The following SIPA1L1 variants were observed in gnomAD, a reference collection of about 807,000 sequenced individuals.
SIPA1L1 encodes the protein signal-induced proliferation-associated 1-like protein 1.
A neutral mutation model predicts 162.7 loss-of-function variants in SIPA1L1; 26 were observed. The observed-to-expected ratio is 0.16, with a 90% confidence interval of 0.12 to 0.22. The LOEUF (loss-of-function observed/expected upper bound fraction) is 0.22, where lower values mean the gene tolerates loss of function less well. SIPA1L1 is among the 10% of genes least tolerant of loss of function. The probability of loss-of-function intolerance (pLI) is 1.00; values close to 1 mark genes in which losing one functional copy is unlikely to be tolerated. For synonymous variants in SIPA1L1, 829 were observed against 837.4 expected (o/e 0.99, Z 0.17); for missense variants, 1,874 against 2,241.0 (o/e 0.84, Z 3.31).
chr14:71,557,195 G>A (rs1271158406), intron 4 of SIPA1L1, among the ~76,000 whole-genome samples: 1 of 152,102 alleles, frequency 6.6e-6, no homozygotes, highest in Non-Finnish European at 1.5e-5. Flanking sequence ...AGTGTATTCA[G>A]TCTGCGTTGT....
At chr14:71,345,634 C>T (rs1016803675) in intron 2 of SIPA1L1, among the ~76,000 whole-genome samples, 23 of 147,564 alleles carry the variant, frequency 1.6e-4, no homozygotes, top group African/African-American at 4.8e-4. Flanking sequence ...AGTGCAGTGG[C>T]GCGATCTTGG....
chr14:71,679,627 G>C (rs574269380), intron 12 of SIPA1L1, among the ~76,000 whole-genome samples: 1 of 152,300 alleles, frequency 6.6e-6, no homozygotes, highest in East Asian at 1.9e-4. Context: ...CCAATTAAAA[G>C]ACACAGACTG....
At chr14:71,330,817 A>T in intron 2 of SIPA1L1, 1 of 647,166 alleles carries the variant, frequency 1.5e-6, no homozygotes, top group South Asian at 1.8e-5. Flanking sequence ...CATATTCTAG[A>T]TATTAACACC....
At chr14:71,346,422 A>G (rs1421374406) in intron 2 of SIPA1L1, among the ~76,000 whole-genome samples, 1 of 152,214 alleles carries the variant, frequency 6.6e-6, no homozygotes, top group African/African-American at 2.4e-5. Flanking sequence ...CTGGGGTTTC[A>G]TCCTGATGGA....
rs183509931 is a variant in SIPA1L1, at chr14:71,629,441, C to T, written c.1818+5205C>T. 2.4e-3 allele frequency among the ~76,000 whole-genome samples: 360 copies of T among 152,344 alleles called. 3 individuals are homozygous for T. The highest frequency in any genetic ancestry group is 8.0e-3 in the African/African-American group (333 of 41,584). On this transcript the variant is annotated intron_variant, in intron 7 of 23. Coordinates refer to ENST00000381232, the MANE Select transcript of SIPA1L1 (RefSeq NM_001386936.1). ...CCAGGCACTCAGACTCTAGAGCCTG[C>T]ATTCTCAACCAGTACATCAGCCACC...
intron 16 of SIPA1L1, among the ~76,000 whole-genome samples, chr14:71,705,793 C>T (rs576750738): frequency 1.3e-5 from 2 of 152,036 alleles, no homozygotes; most frequent in South Asian, 4.1e-4. Flanking sequence ...GCCTCCTCTA[C>T]CGCTTCTCTT....
intron 2 of SIPA1L1, among the ~76,000 whole-genome samples, chr14:71,446,215 A>G (rs1255687630): frequency 1.3e-5 from 2 of 152,150 alleles, no homozygotes; most frequent in East Asian, 3.8e-4. Context: ...AGCTGATTTT[A>G]GCTAATTCAG....
At chr14:71,570,171 T>C (rs986974597) in intron 4 of SIPA1L1, among the ~76,000 whole-genome samples, 2 of 152,218 alleles carry the variant, frequency 1.3e-5, no homozygotes, top group African/African-American at 4.8e-5. Flanking sequence ...GTCCCTTTCA[T>C]GAAGTCTACT....
intron 2 of SIPA1L1, among the ~76,000 whole-genome samples, chr14:71,346,449 C>G (rs1271189897): frequency 6.6e-6 from 1 of 152,192 alleles, no homozygotes; most frequent in Admixed American, 6.5e-5. Flanking sequence ...GCAAGACCCT[C>G]TTGCACATGA....
At chr14:71,388,830 A>C (rs149014104) in intron 2 of SIPA1L1, among the ~76,000 whole-genome samples, 100 of 152,266 alleles carry the variant, frequency 6.6e-4, no homozygotes, top group African/African-American at 2.3e-3. Flanking sequence ...TGCTACCTAC[A>C]TTTTAGCCAG....
In SIPA1L1 at chr14:71,706,728, G is replaced by A. The variant is rs2082464841; in HGVS notation, c.3765+1388G>A. 2.0e-5 allele frequency among the ~76,000 whole-genome samples: 3 copies of A among 152,152 alleles called. No individual in the cohort carries two copies. The South Asian group carries it at 6.2e-4, about 32-fold the overall frequency. On this transcript the variant is annotated intron_variant, in intron 16 of 23. Coordinates refer to ENST00000381232, the MANE Select transcript of SIPA1L1 (RefSeq NM_001386936.1). ...GATTATTTTTTCAAGGGGAAGAGAT[G>A]TTTCACTTTGAGGTGAAACTGGTGG...
intron 3 of SIPA1L1, among the ~76,000 whole-genome samples, chr14:71,513,333 A>G (rs930490105): frequency 1.3e-5 from 2 of 151,932 alleles, no homozygotes; most frequent in African/African-American, 4.8e-5. Context: ...TGATGTTGGA[A>G]TTTGTTGGTG....
chr14:71,528,448 G>A (rs1037266533), intron 3 of SIPA1L1, among the ~76,000 whole-genome samples: 2 of 151,344 alleles, frequency 1.3e-5, no homozygotes, highest in Admixed American at 1.3e-4. Flanking sequence ...TGAGGTCAGG[G>A]GTTCGAGACC....
intron 2 of SIPA1L1, among the ~76,000 whole-genome samples, chr14:71,504,417 A>G (rs1392533118): frequency 6.6e-6 from 1 of 152,234 alleles, no homozygotes; most frequent in African/African-American, 2.4e-5. Context: ...AAAACAGAGT[A>G]GTTTAAAACT....
intron 4 of SIPA1L1, among the ~76,000 whole-genome samples, chr14:71,571,765 C>T (rs1470419826): frequency 2.0e-5 from 3 of 151,696 alleles, no homozygotes; most frequent in East Asian, 3.9e-4. Flanking sequence ...CCTCAGCCTC[C>T]GGAGTAGCTG....
intron 5 of SIPA1L1, among the ~76,000 whole-genome samples, chr14:71,590,624 T>C (rs1204604779): frequency 1.3e-5 from 2 of 152,346 alleles, no homozygotes; most frequent in African/African-American, 2.4e-5. Flanking sequence ...GTCTCATTCC[T>C]ACATATCTAT....
chr14:71,374,105 A>G (rs2039150936), intron 2 of SIPA1L1, among the ~76,000 whole-genome samples: 1 of 152,160 alleles, frequency 6.6e-6, no homozygotes. Context: ...CTGAAATAGA[A>G]TGCCTGTGAT....
At chr14:71,358,529 TGA>T (rs2037494367) in intron 2 of SIPA1L1, among the ~76,000 whole-genome samples, 1 of 152,208 alleles carries the variant, frequency 6.6e-6, no homozygotes. Context: ...GCCTTTGTAG[TGA>T]GTCTTACCCT....
chr14:71,596,144 A>G (rs2036001448), intron 5 of SIPA1L1, among the ~76,000 whole-genome samples: 1 of 152,190 alleles, frequency 6.6e-6, no homozygotes, highest in East Asian at 1.9e-4. Flanking sequence ...CAGTCCTTCA[A>G]AGGAAAGAGG....
Sources: allele counts gnomAD v4.1 joint callset (sites outside exome capture counted in the v4.1 genomes callset), GRCh38; gene constraint gnomAD v4.1.1; transcripts MANE v1.5; gene names NCBI Gene and HGNC (gene_info 2026-07-23, HGNC 2026-07-21).